RTF2: variants seen among roughly 807,000 people sequenced by gnomAD.
RTF2 encodes the protein replication termination factor 2.
RTF2 carries 18 observed loss-of-function variants against 38.0 expected under a neutral mutation model. The observed-to-expected ratio is 0.47, with a 90% CI of 0.33 to 0.70. The LOEUF (loss-of-function observed/expected upper bound fraction) is 0.70. Ranked by LOEUF, RTF2 falls within the 30% of genes least tolerant of loss-of-function variation. The pLI, the probability that RTF2 is intolerant of heterozygous loss-of-function variation, is 0.02. For missense variants in RTF2, 311 were observed against 379.6 expected (o/e 0.82, Z 1.50); for synonymous variants, 126 against 137.1 (o/e 0.92, Z 0.57).
rs141906526 is a variant in RTF2, at chr20:56,500,333, C to T, written c.478-12982C>T. 4.0e-3 allele frequency among the ~76,000 whole-genome samples: 616 copies of T among 152,334 alleles called. 4 individuals are homozygous for T. Among genetic ancestry groups the T allele is most frequent in the African/African-American group, 0.014 (583 of 41,576 alleles). On this transcript the variant is annotated intron_variant, in intron 5 of 8. Coordinates refer to ENST00000357348, the MANE Select transcript of RTF2 (RefSeq NM_016407.5). ...CCTCCCAAAGTGTTGGGATTACAGGCGTGAGCCACCTCGCCCAGCTAGTTT... is the reference window on the plus strand; with the variant it reads ...CCTCCCAAAGTGTTGGGATTACAGGTGTGAGCCACCTCGCCCAGCTAGTTT...
chr20:56,477,723 G>A (rs1982328955), intron 4 of RTF2, among the ~76,000 whole-genome samples: 1 of 152,062 alleles, frequency 6.6e-6, no homozygotes, highest in African/African-American at 2.4e-5. Context: ...TCCCTATGTT[G>A]CCCAGGCTGG....
chr20:56,485,925 G>C (rs1411579391), intron 5 of RTF2, among the ~76,000 whole-genome samples: 1 of 152,176 alleles, frequency 6.6e-6, no homozygotes, highest in Admixed American at 6.5e-5. Flanking sequence ...GGCACTAAGG[G>C]GCCAGAGAAC....
chr20:56,489,912 G>A (rs1484410425), intron 5 of RTF2, among the ~76,000 whole-genome samples: 5 of 152,232 alleles, frequency 3.3e-5, no homozygotes, highest in Non-Finnish European at 7.3e-5. Context: ...ATCGCCTTTG[G>A]GGGCGCCGTG....
At chr20:56,510,230 T>C (rs937094674) in intron 5 of RTF2, among the ~76,000 whole-genome samples, 1 of 152,254 alleles carries the variant, frequency 6.6e-6, no homozygotes, top group African/African-American at 2.4e-5. Flanking sequence ...CATTATGTTA[T>C]GTAAATGAGA....
intron 5 of RTF2, among the ~76,000 whole-genome samples, chr20:56,510,000 A>C (rs1010161769): frequency 7.0e-4 from 107 of 151,974 alleles, no homozygotes; most frequent in African/African-American, 2.5e-3. Flanking sequence ...AAAAAAAAAA[A>C]CATGTATATT....
At chr20:56,489,550 C>T (rs2146333753) in intron 5 of RTF2, among the ~76,000 whole-genome samples, 1 of 152,272 alleles carries the variant, frequency 6.6e-6, no homozygotes, top group South Asian at 2.1e-4. Flanking sequence ...GCTGTGTGGT[C>T]CCAGGAACAT....
chr20:56,473,412 T>TG lies in RTF2; in HGVS notation c.164+17_164+18insG. 1 of 1,535,868 alleles carries TG rather than the reference T, an allele frequency of 6.5e-7. No homozygotes were observed. The highest frequency in any genetic ancestry group is 9.0e-7 in the Non-Finnish European group (1 of 1,116,870). On this transcript the variant is annotated intron_variant, in intron 2 of 8. Transcript: ENST00000357348. ...ACTTGGCAGGTATGGTTTTTACACT[T>TG]AATCAAGATGAGTTTGTTAAGTGAT... is the stretch of plus-strand genomic sequence containing the variant.
At chr20:56,486,737 T>G (rs1013897690) in intron 5 of RTF2, among the ~76,000 whole-genome samples, 3 of 152,140 alleles carry the variant, frequency 2.0e-5, no homozygotes, top group African/African-American at 7.2e-5. Context: ...TATTAAGATA[T>G]TGACAGTACA....
chr20:56,493,675 C>A (rs6014751), intron 5 of RTF2, among the ~76,000 whole-genome samples: 8 of 149,046 alleles, frequency 5.4e-5, no homozygotes, highest in Admixed American at 6.7e-5. Flanking sequence ...AAAAAAAAGA[C>A]TACAAATATG....
At chr20:56,511,202 G>A (rs1019353002) in intron 5 of RTF2, among the ~76,000 whole-genome samples, 3 of 152,048 alleles carry the variant, frequency 2.0e-5, no homozygotes, top group Non-Finnish European at 4.4e-5. Flanking sequence ...CCCCCATACC[G>A]GTGACAGTCC....
intron 5 of RTF2, among the ~76,000 whole-genome samples, chr20:56,488,044 A>AT (rs1982886047): frequency 1.3e-5 from 2 of 152,212 alleles, no homozygotes; most frequent in Admixed American, 1.3e-4. Flanking sequence ...TCAACCCATA[A>AT]TACACAATTT....
chr20:56,508,987 CG>C (rs1984460495), intron 5 of RTF2, among the ~76,000 whole-genome samples: 1 of 152,132 alleles, frequency 6.6e-6, no homozygotes, highest in Admixed American at 6.6e-5. Flanking sequence ...ACACCAAAAA[CG>C]TAGCAGTAAG....
chr20:56,500,245 G>A (rs189425653), intron 5 of RTF2, among the ~76,000 whole-genome samples: 10 of 152,048 alleles, frequency 6.6e-5, no homozygotes, highest in Non-Finnish European at 1.0e-4. Context: ...GTAGAGATGG[G>A]GTTTCACCAT....
At chr20:56,508,293 AG>A (rs1451066135) in intron 5 of RTF2, among the ~76,000 whole-genome samples, 1 of 151,170 alleles carries the variant, frequency 6.6e-6, no homozygotes, top group Non-Finnish European at 1.5e-5. Flanking sequence ...TGGCAACTTC[AG>A]GAAAAAAAAA....
rs377031865 is a variant in RTF2, at chr20:56,484,471, G to A, written c.477+282G>A. Among the ~76,000 whole-genome samples the A allele has an allele frequency of 2.5e-4, 38 of 152,294 alleles. 1 individual carries two copies. The highest frequency in any genetic ancestry group is 4.6e-4 in the Admixed American group (7 of 15,286). ...TGTCCTGGAGGGCCTGCTCCCCCATGAGCCCCCATTCCATAGTTCTTACTT... is the reference window on the plus strand; with the variant it reads ...TGTCCTGGAGGGCCTGCTCCCCCATAAGCCCCCATTCCATAGTTCTTACTT... On this transcript the variant is annotated intron_variant, in intron 5 of 8. Transcript: ENST00000357348.
chr20:56,505,741 A>G (rs1398110420), intron 5 of RTF2, among the ~76,000 whole-genome samples: 2 of 152,126 alleles, frequency 1.3e-5, no homozygotes, highest in African/African-American at 4.8e-5. Flanking sequence ...GGAAATGCCA[A>G]CACAAGAAGC....
chr20:56,488,234 G>GCCTGTAGT (rs1982896938), intron 5 of RTF2, among the ~76,000 whole-genome samples: 1 of 152,090 alleles, frequency 6.6e-6, no homozygotes, highest in Non-Finnish European at 1.5e-5. Flanking sequence ...GGTGGTGCAT[G>GCCTGTAGT]CCTGTAGTCC....
At chr20:56,485,820 A>G (rs1425319241) in intron 5 of RTF2, among the ~76,000 whole-genome samples, 1 of 152,234 alleles carries the variant, frequency 6.6e-6, no homozygotes, top group Non-Finnish European at 1.5e-5. Context: ...TCCTGCACTC[A>G]CGGAGATTGC....
At chr20:56,500,274 G>A (rs914904009) in intron 5 of RTF2, among the ~76,000 whole-genome samples, 5 of 152,032 alleles carry the variant, frequency 3.3e-5, no homozygotes, top group East Asian at 1.9e-4. Flanking sequence ...GCCTGGTCTC[G>A]AACTCCTGAC....
Sources: allele counts gnomAD v4.1 joint callset (sites outside exome capture counted in the v4.1 genomes callset), GRCh38; gene constraint gnomAD v4.1.1; transcripts MANE v1.5; gene names NCBI Gene and HGNC (gene_info 2026-07-23, HGNC 2026-07-21).